The following UVSSA variants were observed in gnomAD, a reference collection of about 807,000 sequenced individuals.
UVSSA encodes UV-stimulated scaffold protein A.
In UVSSA, 72 loss-of-function variants were observed where a neutral mutation model predicts 73.9. The ratio of observed to expected loss-of-function variants is 0.97; its 90% confidence interval spans 0.81 to 1.19. The LOEUF is 1.19. Ranked by LOEUF, UVSSA falls within the 50% of genes most tolerant of loss-of-function variation. The pLI, the probability that UVSSA is intolerant of heterozygous loss-of-function variation, is 0.00. For missense variants in UVSSA, 1,150 were observed against 965.0 expected (o/e 1.19, Z -2.54); for synonymous variants, 454 against 391.3 (o/e 1.16, Z -1.89).
intron 1 of UVSSA, 42 bp from the exon 2 acceptor site, chr4:1,348,048 A>C (rs1178509914): frequency 1.3e-6 from 2 of 1,499,910 alleles, no homozygotes; most frequent in East Asian, 4.5e-5. Flanking sequence ...GAGCTATAAA[A>C]TACAGATGGT....
intron 7 of UVSSA, among the ~76,000 whole-genome samples, chr4:1,365,689 C>A (rs1717212364): frequency 6.6e-6 from 1 of 152,242 alleles, no homozygotes; most frequent in African/African-American, 2.4e-5. Context: ...CTTTCTGTCA[C>A]CTGACATGCT....
At chr4:1,372,320 G>A (rs538230758) in intron 8 of UVSSA, among the ~76,000 whole-genome samples, 2 of 152,190 alleles carry the variant, frequency 1.3e-5, no homozygotes, top group South Asian at 2.1e-4. Flanking sequence ...GACACATCTG[G>A]CGGCCTGTCA....
chr4:1,362,415 G>A (rs569943930), intron 7 of UVSSA, among the ~76,000 whole-genome samples: 63 of 152,356 alleles, frequency 4.1e-4, no homozygotes, highest in African/African-American at 1.4e-3. Context: ...GCCCCCTTGG[G>A]AGGGGACAGC....
intron 8 of UVSSA, among the ~76,000 whole-genome samples, chr4:1,370,662 C>T (rs1259826423): frequency 6.6e-6 from 1 of 150,924 alleles, no homozygotes; most frequent in Non-Finnish European, 1.5e-5. Context: ...TGACTGGGTG[C>T]CAGTAACACC....
At position 1,386,257 on chromosome 4, in the gene UVSSA, C is replaced by T. The variant is rs1219250214; in HGVS notation, c.*296C>T. ...GAGTCCTCGTGAGACCAGTGCTTGTCGTGGTGTGGGGTTCAGCACGGACGG... is the reference window on the plus strand; with the variant it reads ...GAGTCCTCGTGAGACCAGTGCTTGTTGTGGTGTGGGGTTCAGCACGGACGG... On this transcript the variant is annotated 3_prime_UTR_variant, in exon 14 of 14. Coordinates refer to ENST00000389851, the MANE Select transcript of UVSSA (RefSeq NM_020894.4). 6 of 366,906 alleles carry T rather than the reference C, an allele frequency of 1.6e-5. No individual in the cohort carries two copies. The highest frequency in any genetic ancestry group is 7.9e-5 in the Admixed American group (2 of 25,436). 22.7% of individuals were successfully genotyped at this position (366,906 alleles called of 1,614,324 possible).
In UVSSA at chr4:1,385,909, A is replaced by G. The variant is rs1577388910; in HGVS notation, c.2078A>G (p.Asp693Gly). 1 of 1,614,044 alleles carries G rather than the reference A, an allele frequency of 6.2e-7. No homozygotes were observed. Among genetic ancestry groups the G allele is most frequent in the Non-Finnish European group, 8.5e-7 (1 of 1,180,024 alleles). The change falls in exon 14 of 14, where the codon GAC (aspartate) becomes GGC (glycine). Residue 693 changes from aspartate (D) to glycine (G), a missense_variant. Physicochemically the swap from Asp to Gly is moderately conservative, Grantham distance 94 (BLOSUM62 -1). Transcript: ENST00000389851. ...GTAGTGGCAGCCATGAACCGGATGG[A>G]CCAGAAGAAGCACGAGAAGTTTTCA... ...RRVVAAMNRM[D>G]QKKHEKFSNQ...
At chr4:1,385,785 C>T (rs1191009865) in intron 13 of UVSSA, 83 bp from the exon 14 acceptor site, 4 of 1,443,282 alleles carry the variant, frequency 2.8e-6, no homozygotes, top group Non-Finnish European at 3.9e-6. Context: ...AGGACCAGTG[C>T]CTAACTTTGG....
At chr4:1,366,228 A>G in intron 7 of UVSSA, 92 bp from the exon 8 acceptor site, 1 of 1,027,324 alleles carries the variant, frequency 9.7e-7, no homozygotes, top group South Asian at 1.6e-5. Flanking sequence ...AAAGCTCCAC[A>G]AGAAATAGGA....
In UVSSA at chr4:1,383,906, G is replaced by A. The variant is rs757510704; in HGVS notation, c.2002G>A (p.Ala668Thr). 2.5e-5 allele frequency: 41 copies of A among 1,612,964 alleles called. No homozygotes were observed. The highest frequency in any genetic ancestry group is 3.2e-5 in the Non-Finnish European group (38 of 1,179,892). ...CAACCTGAAGGCTCAGGCTGATACC[G>A]CCCGCGCTCGCATTGGGAGAAAAGT... ...LTNLKAQADT[A>T]RARIGRKVFA... The change falls in exon 13 of 14, where the codon GCC (alanine) becomes ACC (threonine). Residue 668 changes from alanine (A) to threonine (T), a missense_variant. Physicochemically the swap from Ala to Thr is moderately conservative, Grantham distance 58. Coordinates refer to ENST00000389851, the MANE Select transcript of UVSSA (RefSeq NM_020894.4).
intron 4 of UVSSA, 129 bp from the exon 5 acceptor site, chr4:1,352,901 C>T (rs1030783156): frequency 1.5e-5 from 19 of 1,274,796 alleles, no homozygotes; most frequent in Non-Finnish European, 1.8e-5. Flanking sequence ...GCTGTGATTG[C>T]ACCACTGCAT....
chr4:1,395,403 G>A (rs1720521613), exon 14 of UVSSA: 2 of 1,576,000 alleles, frequency 1.3e-6, no homozygotes, highest in Non-Finnish European at 1.7e-6. Flanking sequence ...TGCCCATGTG[G>A]AGTGCCCGCC....
intron 2 of UVSSA, among the ~76,000 whole-genome samples, chr4:1,349,107 G>T (rs1051462733): frequency 2.2e-4 from 33 of 152,006 alleles, no homozygotes; most frequent in East Asian, 1.9e-3. Context: ...TGTGTGTTGC[G>T]CTAGGTAACG....
intron 8 of UVSSA, among the ~76,000 whole-genome samples, chr4:1,374,711 G>A (rs1033266676): frequency 1.3e-5 from 2 of 152,240 alleles, no homozygotes; most frequent in Admixed American, 1.3e-4. Flanking sequence ...CCAGGGCCAA[G>A]ACCTTGGTCC....
chr4:1,394,468 G>A, exon 14 of UVSSA: 1 of 1,609,254 alleles, frequency 6.2e-7, no homozygotes, highest in Non-Finnish European at 8.5e-7. Flanking sequence ...AGGAAACCCA[G>A]TTTTTAAATT....
intron 4 of UVSSA, 81 bp downstream of exon 4, chr4:1,351,916 G>T: frequency 6.4e-7 from 1 of 1,559,006 alleles, no homozygotes; most frequent in Non-Finnish European, 8.7e-7. Flanking sequence ...TGGTCCCAGG[G>T]CCCCAGCCGC....
chr4:1,394,302 C>A, exon 14 of UVSSA: 1 of 925,568 alleles, frequency 1.1e-6, no homozygotes, highest in Non-Finnish European at 1.6e-6. Context: ...ATCAATCTTT[C>A]TTGGCTTCTA....
chr4:1,372,382 G>A (rs940198636), intron 8 of UVSSA, among the ~76,000 whole-genome samples: 3 of 152,126 alleles, frequency 2.0e-5, no homozygotes, highest in African/African-American at 7.2e-5. Flanking sequence ...TCCTTGTCTC[G>A]TTTCCTTCTT....
chr4:1,394,788 GA>G, exon 14 of UVSSA: 1 of 1,574,252 alleles, frequency 6.4e-7, no homozygotes, highest in African/African-American at 1.5e-5. Context: ...TGCCGATGTG[GA>G]GTGCCACCTG....
chr4:1,354,506 T>A, intron 5 of UVSSA: 1 of 549,046 alleles, frequency 1.8e-6, no homozygotes, highest in Admixed American at 3.1e-5. Context: ...ACACAGGCAG[T>A]GGAGCTGCGT....
Sources: allele counts gnomAD v4.1 joint callset (sites outside exome capture counted in the v4.1 genomes callset), GRCh38; gene constraint gnomAD v4.1.1; transcripts MANE v1.5; gene names NCBI Gene and HGNC (gene_info 2026-07-23, HGNC 2026-07-21).